Variants in IL16 observed in about 807,000 individuals in gnomAD.
The protein encoded by IL16 is interleukin 16.
A neutral mutation model predicts 110.1 loss-of-function variants in IL16; 67 were observed. The ratio of observed to expected loss-of-function variants is 0.61; its 90% CI spans 0.50 to 0.75. IL16 has a LOEUF of 0.75. Ranked by LOEUF, IL16 falls within the 30% of genes least tolerant of loss-of-function variation. IL16 has a pLI of 0.00. For missense variants in IL16, 1,545 were observed against 1,655.0 expected, an observed-to-expected ratio of 0.93 and a Z score of 1.15; for synonymous variants, 689 against 662.9, an observed-to-expected ratio of 1.04 and a Z score of -0.61.
rs564555824 is a variant in IL16 at position 81,197,343 on chromosome 15, T to C, written c.-102+191T>C. 2.6e-5 allele frequency among the ~76,000 whole-genome samples: 4 copies of C among 152,266 alleles called. No individual in the cohort carries two copies. The South Asian group carries it at 8.3e-4, about 32-fold the overall frequency. ...TGGTAGGAATCTCTGTGTCACCATG[T>C]CACAGTTAGGTACAGGAGGAAGCAG... On this transcript the variant is annotated intron_variant, in intron 1 of 18. Coordinates refer to ENST00000683961, the MANE Select transcript of IL16 (RefSeq NM_172217.5).
intron 12 of IL16, 94 bp from the exon 13 acceptor site, chr15:81,296,833 AT>A: frequency 8.9e-7 from 1 of 1,122,880 alleles, no homozygotes; most frequent in Non-Finnish European, 1.3e-6. Context: ...AAGCAGCTCA[AT>A]ATCCGTTTTT....
At chr15:81,189,343 C>T (rs995143411) in intron 1 of IL16, among the ~76,000 whole-genome samples, 8 of 152,062 alleles carry the variant, frequency 5.3e-5, no homozygotes, top group Admixed American at 3.9e-4. Flanking sequence ...CAGCTTGTGT[C>T]CAACTCCTGA....
Position 81,269,588 on chromosome 15 carries a change from A to G in IL16, c.615A>G (p.Pro205=), listed in dbSNP as rs1596014128. The G allele has an allele frequency of 1.9e-6, 3 of 1,614,164 alleles. No individual in the cohort carries two copies. Among genetic ancestry groups the G allele is most frequent in the South Asian group, 2.2e-5 (2 of 91,080 alleles). The change falls in exon 5 of 19, where the codon CCA becomes CCG. Residue 205 remains proline, a synonymous_variant. Transcript: ENST00000683961. ...RSLSTAQLVQ[P]SGGLQASVIS... is the part of the protein sequence containing the mutation. Reference sequence around the variant, plus strand: ...TGAGCACAGCTCAGCTCGTGCAGCCATCTGGGGGCCTCCAGGCTTCAGTCA... The same window carrying G: ...TGAGCACAGCTCAGCTCGTGCAGCCGTCTGGGGGCCTCCAGGCTTCAGTCA...
intron 3 of IL16, 71 bp downstream of exon 3, chr15:81,259,951 A>G (rs757174042): frequency 5.2e-6 from 5 of 965,148 alleles, no homozygotes; most frequent in Non-Finnish European, 6.7e-6. Context: ...TATTGGGAGG[A>G]TAGCGGCTCT....
Position 81,265,686 on chromosome 15 carries a change from T to G in IL16, c.449T>G (p.Ile150Ser). ...GTTAATCCCTATTGCACAAGAGAAA[T>G]TGATTTTCCAATGACCAAGAAATCT... ...TSVNPYCTRE[I>S]DFPMTKKSAA... is the part of the protein sequence containing the mutation. Residue 150 changes from isoleucine (I) to serine (S), a missense_variant, in exon 4 of 19, where the codon ATT (isoleucine) becomes AGT (serine). By Grantham distance (142) the Ile-to-Ser change is moderately radical (BLOSUM62 -2). Transcript: ENST00000683961. 6.2e-7 allele frequency: 1 copy of G among 1,614,002 alleles called. No homozygotes were observed. Among genetic ancestry groups the G allele is most frequent in the Non-Finnish European group, 8.5e-7 (1 of 1,179,916 alleles).
At chr15:81,290,192 G>A (rs1596038708) in intron 10 of IL16, 2 of 493,324 alleles carry the variant, frequency 4.1e-6, no homozygotes, top group South Asian at 3.1e-5. Context: ...TTTCCAGCAA[G>A]TAGTGGGGAG....
chr15:81,209,245 A>G (rs897055704), intron 1 of IL16, among the ~76,000 whole-genome samples: 6 of 152,116 alleles, frequency 3.9e-5, no homozygotes, highest in African/African-American at 1.4e-4. Context: ...CATGTCAGGG[A>G]AATCATGGGT....
intron 9 of IL16, 97 bp downstream of exon 9, chr15:81,282,853 A>C: frequency 1.0e-6 from 1 of 990,512 alleles, no homozygotes; most frequent in Non-Finnish European, 1.6e-6. Flanking sequence ...ATGAGCTATA[A>C]AGAATGATCT....
At position 81,303,659 on chromosome 15, in the gene IL16, C is replaced by T. The variant is rs771686372; in HGVS notation, c.3420+9C>T. On this transcript the variant is annotated intron_variant, in intron 16 of 18. Coordinates refer to ENST00000683961, the MANE Select transcript of IL16 (RefSeq NM_172217.5). This position sits in a 1 kb window ranked among gnomAD's most constrained non-coding sequence, Gnocchi z 4.1. ...AAAACAAGGTGATTACGGTGAGTGG[C>T]CAAGTGAAGGGGCATGTCACAGCCA... 1 of 1,575,452 alleles carries T rather than the reference C, an allele frequency of 6.3e-7. No homozygotes were observed. The highest frequency in any genetic ancestry group is 1.1e-5 in the South Asian group (1 of 90,204).
intron 2 of IL16, among the ~76,000 whole-genome samples, chr15:81,252,615 TG>T (rs1897804976): frequency 1.3e-5 from 2 of 152,182 alleles, no homozygotes; most frequent in South Asian, 4.1e-4. Flanking sequence ...AGAAACCTCC[TG>T]CCCATTAGCT....
At chr15:81,268,304 C>T (rs903903058) in intron 4 of IL16, among the ~76,000 whole-genome samples, 1 of 116,106 alleles carries the variant, frequency 8.6e-6, no homozygotes, top group Non-Finnish European at 1.8e-5. Context: ...ATGTTCGCTG[C>T]CTTCCAGGCA....
chr15:81,268,733 A>G (rs897150896), intron 4 of IL16, among the ~76,000 whole-genome samples: 2 of 152,282 alleles, frequency 1.3e-5, no homozygotes, highest in Admixed American at 1.3e-4. Flanking sequence ...CTTAGAATTT[A>G]TAATAATGAC....
chr15:81,200,222 A>C (rs1298259681), intron 1 of IL16, among the ~76,000 whole-genome samples: 2 of 151,712 alleles, frequency 1.3e-5, no homozygotes, highest in Admixed American at 6.6e-5. Flanking sequence ...GTTTCATGAA[A>C]GTTTTTAGTT....
In IL16 at chr15:81,299,851, G is replaced by T. The variant is rs370198430; in HGVS notation, c.2525G>T (p.Arg842Ile). Residue 842 changes from arginine to isoleucine, a missense_variant, in exon 14 of 19, where the codon AGA becomes ATA. Coordinates refer to ENST00000683961, the MANE Select transcript of IL16 (RefSeq NM_172217.5). ...TCCTCCTCCTCCTCCATCAGGCAGA[G>T]AATCAGCTCCTTTGAAACCTTTGGC... Reference protein sequence around the residue: ...ASSSSSSIRQRISSFETFGSS... With the variant: ...ASSSSSSIRQIISSFETFGSS... 2.5e-6 allele frequency: 4 copies of T among 1,613,756 alleles called. No homozygotes were observed.
intron 7 of IL16, 143 bp from the exon 8 acceptor site, chr15:81,279,415 A>G: frequency 3.2e-6 from 2 of 616,366 alleles, no homozygotes; most frequent in South Asian, 4.0e-5. Flanking sequence ...ATGTCATAAT[A>G]TAATTTGTAA....
chr15:81,212,436 AT>A (rs1043757750), intron 1 of IL16, among the ~76,000 whole-genome samples: 2 of 151,660 alleles, frequency 1.3e-5, no homozygotes, highest in Non-Finnish European at 2.9e-5. Context: ...GTAAGTCAAG[AT>A]TTTTTTTAAT....
chr15:81,270,368 C>A (rs898327351), intron 5 of IL16, among the ~76,000 whole-genome samples: 2 of 152,178 alleles, frequency 1.3e-5, no homozygotes, highest in African/African-American at 4.8e-5. Flanking sequence ...AGGGTGGTTT[C>A]TTTATGTAAT....
At chr15:81,199,031 AT>A (rs1330241848) in intron 1 of IL16, among the ~76,000 whole-genome samples, 19,164 of 96,312 alleles carry the variant, frequency 0.2, 1,552 homozygotes, top group Non-Finnish European at 0.21. Flanking sequence ...AAAAAAAAAA[AT>A]ATATATATAT....
intron 1 of IL16, among the ~76,000 whole-genome samples, chr15:81,185,043 G>T (rs1185542886): frequency 6.6e-6 from 1 of 152,146 alleles, no homozygotes; most frequent in Non-Finnish European, 1.5e-5. Flanking sequence ...CAGCAAGGAG[G>T]GGCTGGGCCT....
Sources: gnomAD v4.1 joint callset for allele counts (sites outside exome capture counted in the v4.1 genomes callset) on GRCh38, gnomAD v4.1.1 for gene constraint, Gnocchi (gnomAD v3.1) non-coding constraint, MANE v1.5 for transcripts, NCBI Gene and HGNC (gene_info 2026-07-23, HGNC 2026-07-21) for gene names.